PUF60: variants seen among roughly 807,000 people sequenced by gnomAD.
PUF60 encodes the protein poly(U)-binding-splicing factor PUF60.
A neutral mutation model predicts 61.8 loss-of-function variants in PUF60; 10 were observed. That is an observed-to-expected ratio of 0.16 (90% confidence interval 0.10 to 0.27). The LOEUF is 0.27. PUF60 is among the 10% of genes least tolerant of loss of function. The probability of loss-of-function intolerance (pLI) is 1.00; values close to 1 mark genes in which losing one functional copy is unlikely to be tolerated. For missense variants in PUF60, 371 were observed against 754.0 expected, an observed-to-expected ratio of 0.49 and a Z score of 5.95; for synonymous variants, 353 against 300.9, an observed-to-expected ratio of 1.17 and a Z score of -1.79.
At position 143,818,654 on chromosome 8, in the gene PUF60, C is replaced by T. The variant is rs1816659241; in HGVS notation, c.349-120G>A. 1.2e-5 allele frequency: 13 copies of T among 1,096,044 alleles called. No individual in the cohort carries two copies. The highest frequency in any genetic ancestry group is 3.1e-4 in the Middle Eastern group (1 of 3,252). 67.9% of individuals were successfully genotyped at this position (1,096,044 alleles called of 1,614,324 possible). On this transcript the variant is annotated intron_variant, in intron 5 of 11. Transcript: ENST00000526683. The surrounding 1 kb of genome is among the most constrained non-coding windows in gnomAD (Gnocchi z 7.9). ...GCTGTGGGGAGGGCTCCCCACATGA[C>T]AGGGAGGTGCGGGCTCCATCCCTGC...
At chr8:143,824,619 A>G (rs561758336) in intron 1 of PUF60, among the ~76,000 whole-genome samples, 1 of 152,356 alleles carries the variant, frequency 6.6e-6, no homozygotes, top group East Asian at 1.9e-4. Flanking sequence ...GGGCTGGGCC[A>G]GGGCTGCCAG....
At chr8:143,819,393 G>A (rs1374824165) in intron 5 of PUF60, among the ~76,000 whole-genome samples, 1 of 152,112 alleles carries the variant, frequency 6.6e-6, no homozygotes, top group Non-Finnish European at 1.5e-5. Context: ...ATGCCAGACA[G>A]GGGACTTCCA....
chr8:143,817,584 G>T lies in PUF60; in HGVS notation c.1008+8C>A. On this transcript the variant is annotated splice_region_variant and intron_variant, in intron 9 of 11. Transcript: ENST00000526683. The surrounding 1 kb of genome is among the most constrained non-coding windows in gnomAD (Gnocchi z 7.4). ...CACCCTCAAGCCGACAGCTGTGTGG[G>T]CCCTCACCTGAGCTGTGATCTTGGC... 6.2e-7 allele frequency: 1 copy of T among 1,611,024 alleles called. No individual in the cohort carries two copies. Among genetic ancestry groups the T allele is most frequent in the Non-Finnish European group, 8.5e-7 (1 of 1,179,400 alleles).
At position 143,821,581 on chromosome 8, in the gene PUF60, T is replaced by C; in HGVS notation, c.297+16A>G. On this transcript the variant is annotated intron_variant, in intron 4 of 11. Coordinates refer to ENST00000526683, the MANE Select transcript of PUF60 (RefSeq NM_078480.3). ...CTGTGGTGGGGAGGGCGGTAGAGGC[T>C]CCGGCCGGGGCTCACCTGCAGGTTG... is the stretch of plus-strand genomic sequence containing the variant. 1 of 1,537,756 alleles carries C rather than the reference T, an allele frequency of 6.5e-7. No individual in the cohort carries two copies. The highest frequency in any genetic ancestry group is 8.7e-7 in the Non-Finnish European group (1 of 1,145,504).
chr8:143,827,627 C>G, intron 1 of PUF60: 1 of 353,356 alleles, frequency 2.8e-6, no homozygotes, highest in East Asian at 7.9e-5. Flanking sequence ...CCTTTCCATC[C>G]CAATGATTAA....
Position 143,817,430 on chromosome 8 carries a change from C to T in PUF60, c.1045G>A (p.Gly349Ser). ...GCTGGGGACACCAGTCCAGGTGTGC[C>T]CAGGGTACCCAGCACCGCTGCTCCG... is the stretch of plus-strand genomic sequence containing the variant. Reference protein sequence around the residue: ...VAGAAVLGTLGTPGLVSPALT... With the variant: ...VAGAAVLGTLSTPGLVSPALT... Residue 349 changes from glycine to serine, a missense_variant, in exon 10 of 12, where the codon GGC becomes AGC. Physicochemically the swap from Gly to Ser is moderately conservative, Grantham distance 56. Coordinates refer to ENST00000526683, the MANE Select transcript of PUF60 (RefSeq NM_078480.3). The surrounding 1 kb of genome is among the most constrained non-coding windows in gnomAD (Gnocchi z 7.4). 6.2e-7 allele frequency: 1 copy of T among 1,606,694 alleles called. No individual in the cohort carries two copies.
intron 4 of PUF60, 107 bp downstream of exon 4, chr8:143,821,490 G>T: frequency 9.4e-7 from 1 of 1,060,516 alleles, no homozygotes; most frequent in Non-Finnish European, 1.4e-6. Context: ...TCGGAGCACT[G>T]TAACAGCTTG....
intron 3 of PUF60, 25 bp downstream of exon 3, chr8:143,821,793 A>G: frequency 6.3e-7 from 1 of 1,595,484 alleles, no homozygotes; most frequent in Non-Finnish European, 8.5e-7. Context: ...CCACACCTGC[A>G]GTGCCCTGGG....
At position 143,818,208 on chromosome 8, in the gene PUF60, C is replaced by T; in HGVS notation, c.588G>A (p.Gly196=). Reference sequence around the variant, plus strand: ...CCTGCCTCACCTTGATGTTCCTGCCCCCCAGCATCACCGAGTTCATCTGCT... The same window carrying T: ...CCTGCCTCACCTTGATGTTCCTGCCTCCCAGCATCACCGAGTTCATCTGCT... The part of the protein sequence containing the change: ...ALEQMNSVML[G]GRNIKVGRPS... The change falls in exon 7 of 12, where the codon GGG becomes GGA. Residue 196 remains glycine, a synonymous_variant. Transcript: ENST00000526683. This position sits in a 1 kb window ranked among gnomAD's most constrained non-coding sequence, Gnocchi z 7.9. 1 of 1,611,140 alleles carries T rather than the reference C, an allele frequency of 6.2e-7. No homozygotes were observed.
chr8:143,821,608 T>A lies in PUF60; in HGVS notation c.286A>T (p.Thr96Ser), dbSNP rs2130329157. ...QTIAHQQQQL[T>S]NLQMAAVTMG... Reference sequence around the variant, plus strand: ...CGGCCGGGGCTCACCTGCAGGTTGGTGAGCTGCTGCTGCTGGTGCGCGATG... The same window carrying A: ...CGGCCGGGGCTCACCTGCAGGTTGGAGAGCTGCTGCTGCTGGTGCGCGATG... Residue 96 changes from threonine (T) to serine (S), a missense_variant, in exon 4 of 12, where the codon ACC becomes TCC. Around this residue, in one of 13 missense-constraint regions of PUF60, gnomAD observed 35 missense variants for 173.1 expected, o/e 0.20. Transcript: ENST00000526683. 6.5e-7 allele frequency: 1 copy of A among 1,543,400 alleles called. No individual in the cohort carries two copies. Among genetic ancestry groups the A allele is most frequent in the East Asian group, 2.4e-5 (1 of 40,934 alleles).
At chr8:143,827,606 C>T (rs921664731) in intron 1 of PUF60, 2 of 365,056 alleles carry the variant, frequency 5.5e-6, no homozygotes, top group Non-Finnish European at 1.1e-5. Context: ...AACAGATAAC[C>T]CTTCTAGAAG....
At chr8:143,824,510 G>A in intron 1 of PUF60, 111 bp from the exon 2 acceptor site, 1 of 1,120,288 alleles carries the variant, frequency 8.9e-7, no homozygotes, top group Non-Finnish European at 1.3e-6. Context: ...AGGGAGGCCA[G>A]GCAGGGAGGC....
chr8:143,821,215 G>A (rs1330390979), intron 4 of PUF60: 3 of 430,038 alleles, frequency 7.0e-6, no homozygotes, highest in African/African-American at 2.0e-5. Flanking sequence ...GAGGGCCTGA[G>A]CAGTCTTATC....
chr8:143,827,522 A>C, intron 1 of PUF60: 1 of 452,012 alleles, frequency 2.2e-6, no homozygotes, highest in Non-Finnish European at 4.5e-6. Flanking sequence ...TGCTCCATTC[A>C]ACCTCCCATG....
chr8:143,819,195 G>C (rs193188489), intron 5 of PUF60, among the ~76,000 whole-genome samples: 4 of 152,098 alleles, frequency 2.6e-5, no homozygotes, highest in Admixed American at 2.6e-4. Flanking sequence ...GGGCCCAGGC[G>C]AGACCACTGG....
At chr8:143,827,785 T>C (rs1290687619) in intron 1 of PUF60, among the ~76,000 whole-genome samples, 1 of 152,202 alleles carries the variant, frequency 6.6e-6, no homozygotes, top group Non-Finnish European at 1.5e-5. Flanking sequence ...TGGGGTCAGT[T>C]ATGGCCCACG....
intron 1 of PUF60, among the ~76,000 whole-genome samples, chr8:143,828,003 C>G (rs1028641099): frequency 3.9e-5 from 6 of 152,248 alleles, no homozygotes; most frequent in African/African-American, 1.4e-4. Context: ...TGAAGACAGT[C>G]ACCAGGTCCT....
At chr8:143,824,919 C>A (rs1817475656) in intron 1 of PUF60, 2 of 164,254 alleles carry the variant, frequency 1.2e-5, no homozygotes, top group South Asian at 3.2e-4. Flanking sequence ...TCTGGATGCG[C>A]AGGCCTCCCT....
chr8:143,818,299 C>G lies in PUF60; in HGVS notation c.511-14G>C, dbSNP rs1390490995. On this transcript the variant is annotated splice_polypyrimidine_tract_variant and intron_variant, in intron 6 of 11. Coordinates refer to ENST00000526683, the MANE Select transcript of PUF60 (RefSeq NM_078480.3). The surrounding 1 kb of genome is among the most constrained non-coding windows in gnomAD (Gnocchi z 7.9). ...GAAGGCAAAGCCCTAGACACAGGGACACACCTGTCAGGCTGCGCGAGCCCA... is the reference window on the plus strand; with the variant it reads ...GAAGGCAAAGCCCTAGACACAGGGAGACACCTGTCAGGCTGCGCGAGCCCA... 1 of 1,606,604 alleles carries G rather than the reference C, an allele frequency of 6.2e-7. No individual in the cohort carries two copies. Among genetic ancestry groups the G allele is most frequent in the African/African-American group, 1.3e-5 (1 of 74,852 alleles).
Sources: allele counts gnomAD v4.1 joint callset (sites outside exome capture counted in the v4.1 genomes callset), GRCh38; gene constraint gnomAD v4.1.1; regional missense constraint gnomAD v4.1.1; non-coding constraint Gnocchi (gnomAD v3.1); transcripts MANE v1.5; gene names NCBI Gene and HGNC (gene_info 2026-07-23, HGNC 2026-07-21).